The following GPC5 variants were observed in gnomAD, a reference collection of about 807,000 sequenced individuals.
The protein encoded by GPC5 is glypican-5.
Under a neutral mutation model 53.9 loss-of-function variants are expected in GPC5, and 47 were observed. The observed-to-expected ratio is 0.87, with a 90% CI of 0.69 to 1.11. The LOEUF (loss-of-function observed/expected upper bound fraction) is 1.11, where lower values mean the gene tolerates loss of function less well. Among genes scored for constraint, GPC5 ranks in the 50% most tolerant of loss-of-function variants. The pLI, the probability that GPC5 is intolerant of heterozygous loss-of-function variation, is 0.00. For synonymous variants in GPC5, 286 were observed against 263.3 expected, an observed-to-expected ratio of 1.09 and a Z score of -0.84; for missense variants, 748 against 713.1, an observed-to-expected ratio of 1.05 and a Z score of -0.56.
chr13:92,414,206 T>C (rs1299007498), intron 7 of GPC5, among the ~76,000 whole-genome samples: 1 of 152,144 alleles, frequency 6.6e-6, no homozygotes, highest in Non-Finnish European at 1.5e-5. Context: ...TTCATAATTA[T>C]GTAGTTAAAT....
intron 2 of GPC5, among the ~76,000 whole-genome samples, chr13:91,557,473 T>G (rs2031023671): frequency 6.6e-6 from 1 of 152,130 alleles, no homozygotes; most frequent in Admixed American, 6.6e-5. Flanking sequence ...CTTGCTGTTA[T>G]GTCTGGTGAG....
intron 6 of GPC5, among the ~76,000 whole-genome samples, chr13:92,090,791 T>C (rs1263219431): frequency 1.3e-5 from 2 of 152,246 alleles, no homozygotes; most frequent in African/African-American, 2.4e-5. Flanking sequence ...AACTTGATTT[T>C]GTGCCTGAGT....
At chr13:92,462,786 G>T (rs954783968) in intron 7 of GPC5, among the ~76,000 whole-genome samples, 1 of 149,564 alleles carries the variant, frequency 6.7e-6, no homozygotes, top group Non-Finnish European at 1.5e-5. Context: ...GCATGATCTC[G>T]GTTCACTGCA....
At chr13:92,143,090 G>A (rs539509413) in intron 6 of GPC5, among the ~76,000 whole-genome samples, 44 of 152,126 alleles carry the variant, frequency 2.9e-4, no homozygotes, top group Admixed American at 5.9e-4. Context: ...CTCACAATAT[G>A]AGCAATGGTC....
chr13:91,841,496 T>C (rs2038787629), intron 5 of GPC5, among the ~76,000 whole-genome samples: 2 of 151,928 alleles, frequency 1.3e-5, no homozygotes, highest in Admixed American at 6.6e-5. Flanking sequence ...CAAAGTAATA[T>C]ACGTGCTAAA....
intron 7 of GPC5, among the ~76,000 whole-genome samples, chr13:92,706,245 C>T (rs182397132): frequency 4.6e-5 from 7 of 151,988 alleles, no homozygotes; most frequent in Non-Finnish European, 5.9e-5. Flanking sequence ...AAATGTCATA[C>T]GTAATCAGTT....
chr13:92,012,860 C>T (rs138125690), intron 6 of GPC5, among the ~76,000 whole-genome samples: 2 of 152,322 alleles, frequency 1.3e-5, no homozygotes, highest in Non-Finnish European at 2.9e-5. Flanking sequence ...ACTCAACCTG[C>T]TGTGCTCACC....
intron 6 of GPC5, among the ~76,000 whole-genome samples, chr13:91,973,335 T>A (rs1054396501): frequency 2.6e-5 from 4 of 152,212 alleles, no homozygotes; most frequent in East Asian, 3.9e-4. Flanking sequence ...TTTAAGGACT[T>A]CTCTGCATTA....
intron 7 of GPC5, among the ~76,000 whole-genome samples, chr13:92,830,198 CTAAT>C (rs891774632): frequency 6.6e-6 from 1 of 152,044 alleles, no homozygotes; most frequent in African/African-American, 2.4e-5. Context: ...TGTCTTAAAT[CTAAT>C]TAATCATTTT....
intron 6 of GPC5, among the ~76,000 whole-genome samples, chr13:91,983,154 G>C (rs1046542091): frequency 6.6e-6 from 1 of 151,998 alleles, no homozygotes; most frequent in African/African-American, 2.4e-5. Flanking sequence ...GACCATCCTG[G>C]CTAACACGGT....
chr13:91,969,055 G>A (rs758694576), intron 6 of GPC5, among the ~76,000 whole-genome samples: 9 of 150,544 alleles, frequency 6.0e-5, no homozygotes, highest in African/African-American at 2.0e-4. Context: ...TGCAGCCTCC[G>A]CCTCCCAGGT....
At chr13:91,678,818 G>A (rs1292870729) in intron 2 of GPC5, among the ~76,000 whole-genome samples, 3 of 151,246 alleles carry the variant, frequency 2.0e-5, no homozygotes, top group East Asian at 1.9e-4. Context: ...TATGTAATTT[G>A]AGAAACTGCA....
intron 7 of GPC5, among the ~76,000 whole-genome samples, chr13:92,427,861 G>T (rs1373627661): frequency 2.0e-5 from 3 of 152,124 alleles, no homozygotes; most frequent in Non-Finnish European, 4.4e-5. Context: ...GGCAAATTAA[G>T]TAAGGAAGAA....
chr13:92,015,560 TA>T (rs1171897420), intron 6 of GPC5, among the ~76,000 whole-genome samples: 1 of 152,240 alleles, frequency 6.6e-6, no homozygotes. Context: ...TTACTGTTTT[TA>T]TTTGTTATTG....
At chr13:91,670,330 G>A (rs891894545) in intron 2 of GPC5, among the ~76,000 whole-genome samples, 4 of 152,176 alleles carry the variant, frequency 2.6e-5, no homozygotes, top group African/African-American at 7.2e-5. Context: ...TCAGTGTTGA[G>A]TCTACTGCGA....
chr13:92,509,442 C>T (rs1594260920), intron 7 of GPC5: 1 of 152,180 alleles, frequency 6.6e-6, no homozygotes, highest in Admixed American at 6.5e-5. Flanking sequence ...ACACACCTCT[C>T]GCCTTGATAG....
intron 7 of GPC5, among the ~76,000 whole-genome samples, chr13:92,819,111 G>A (rs140535703): frequency 2.0e-4 from 30 of 152,108 alleles, no homozygotes; most frequent in African/African-American, 6.5e-4. Context: ...CTCACCCTAT[G>A]AAAAGTGATT....
intron 7 of GPC5, among the ~76,000 whole-genome samples, chr13:92,573,990 C>A (rs576196549): frequency 1.3e-5 from 2 of 152,296 alleles, no homozygotes; most frequent in Non-Finnish European, 2.9e-5. Flanking sequence ...TCTCCAACCT[C>A]CAACAAGGCC....
At chr13:92,818,081 C>T (rs939425600) in intron 7 of GPC5, among the ~76,000 whole-genome samples, 1 of 150,028 alleles carries the variant, frequency 6.7e-6, no homozygotes, top group Non-Finnish European at 1.5e-5. Context: ...GGCGCGATCG[C>T]GGCTCACTGC....
Sources: allele counts gnomAD v4.1 joint callset (sites outside exome capture counted in the v4.1 genomes callset), GRCh38; gene constraint gnomAD v4.1.1; transcripts MANE v1.5; gene names NCBI Gene and HGNC (gene_info 2026-07-23, HGNC 2026-07-21).